Variants in GNAI1 observed in about 807,000 individuals in gnomAD.
GNAI1 encodes guanine nucleotide-binding protein G(i) subunit alpha-1.
A neutral mutation model predicts 38.9 loss-of-function variants in GNAI1; 11 were observed. The observed-to-expected ratio is 0.28, with a 90% CI of 0.18 to 0.47. The LOEUF (loss-of-function observed/expected upper bound fraction) is 0.47, where lower values mean the gene tolerates loss of function less well. Among genes scored for constraint, GNAI1 ranks in the 20% least tolerant of loss-of-function variants. The pLI is 0.99. For missense variants in GNAI1, 317 were observed against 436.9 expected, an observed-to-expected ratio of 0.73 and a Z score of 2.45; for synonymous variants, 166 against 145.1, an observed-to-expected ratio of 1.14 and a Z score of -1.04.
chr7:80,136,335 A>G (rs765867342), intron 1 of GNAI1, among the ~76,000 whole-genome samples: 38 of 152,162 alleles, frequency 2.5e-4, no homozygotes, highest in Non-Finnish European at 3.8e-4. Flanking sequence ...GACTGCTTGT[A>G]TTTTTATACC....
chr7:80,142,096 A>G (rs1255583052), intron 1 of GNAI1, among the ~76,000 whole-genome samples: 1 of 152,112 alleles, frequency 6.6e-6, no homozygotes, highest in Non-Finnish European at 1.5e-5. Flanking sequence ...TTAACATCGT[A>G]TTTCTATTAA....
chr7:80,178,482 A>G (rs1584030256), intron 1 of GNAI1, among the ~76,000 whole-genome samples: 2 of 152,178 alleles, frequency 1.3e-5, no homozygotes, highest in South Asian at 4.1e-4. Context: ...AGAAATTGCC[A>G]CAGCCACCCT....
At chr7:80,184,189 A>G (rs912429760) in intron 1 of GNAI1, among the ~76,000 whole-genome samples, 2 of 152,214 alleles carry the variant, frequency 1.3e-5, no homozygotes, top group Admixed American at 6.5e-5. Context: ...GAGGGGCATA[A>G]GGTAGGGAGA....
chr7:80,143,225 G>A (rs1787557078), intron 1 of GNAI1, among the ~76,000 whole-genome samples: 1 of 151,976 alleles, frequency 6.6e-6, no homozygotes, highest in South Asian at 2.1e-4. Context: ...GTCTACTTGG[G>A]GAAATACAAT....
At chr7:80,165,377 C>T (rs1362523274) in intron 1 of GNAI1, among the ~76,000 whole-genome samples, 1 of 152,078 alleles carries the variant, frequency 6.6e-6, no homozygotes, top group African/African-American at 2.4e-5. Context: ...TTTGTTCTTT[C>T]TTTGTCATTT....
chr7:80,186,414 C>T (rs1317576708), intron 1 of GNAI1, among the ~76,000 whole-genome samples: 1 of 152,028 alleles, frequency 6.6e-6, no homozygotes, highest in African/African-American at 2.4e-5. Context: ...GTAAGCTAAG[C>T]GTCCCATGTT....
intron 1 of GNAI1, among the ~76,000 whole-genome samples, chr7:80,157,761 C>T (rs921367432): frequency 1.3e-5 from 2 of 152,126 alleles, no homozygotes; most frequent in Non-Finnish European, 2.9e-5. Flanking sequence ...GCTGCAAATG[C>T]AGTGGCATGA....
At chr7:80,182,756 C>T (rs1788316609) in intron 1 of GNAI1, among the ~76,000 whole-genome samples, 1 of 152,052 alleles carries the variant, frequency 6.6e-6, no homozygotes, top group South Asian at 2.1e-4. Context: ...AGACCCTCAC[C>T]CCTTTATACA....
Position 80,220,696 on chromosome 7 carries a change from G to A in GNAI1, c.*3203G>A, listed in dbSNP as rs1393570279. Among the ~76,000 whole-genome samples, 1 of 152,130 alleles carries A rather than the reference G, an allele frequency of 6.6e-6. No individual in the cohort carries two copies. The highest frequency in any genetic ancestry group is 2.4e-5 in the African/African-American group (1 of 41,418). On this transcript the variant is annotated 3_prime_UTR_variant, in exon 8 of 8. Coordinates refer to ENST00000649796, the MANE Select transcript of GNAI1 (RefSeq NM_002069.6). ...AAAAAGTACTGATTAAAATCCATATGTTCTCATTGAATACTGACAGTAACT... is the reference window on the plus strand; with the variant it reads ...AAAAAGTACTGATTAAAATCCATATATTCTCATTGAATACTGACAGTAACT...
chr7:80,156,420 C>G (rs1241642228), intron 1 of GNAI1, among the ~76,000 whole-genome samples: 1 of 151,862 alleles, frequency 6.6e-6, no homozygotes, highest in Non-Finnish European at 1.5e-5. Context: ...CATGTCTACC[C>G]TTATAAAGGA....
In GNAI1 at chr7:80,157,372, A is replaced by T. The variant is rs967824080; in HGVS notation, c.118+22094A>T. Among the ~76,000 whole-genome samples, 5 of 152,210 alleles carry T rather than the reference A, an allele frequency of 3.3e-5. 1 individual carries two copies. The highest frequency in any genetic ancestry group is 4.8e-5 in the African/African-American group (2 of 41,452). ...ACTGAATGACATCTTAGTTTGCCCAAATTATGGTAATTATGAATAAAGCTA... is the reference window on the plus strand; with the variant it reads ...ACTGAATGACATCTTAGTTTGCCCATATTATGGTAATTATGAATAAAGCTA... On this transcript the variant is annotated intron_variant, in intron 1 of 7. Coordinates refer to ENST00000649796, the MANE Select transcript of GNAI1 (RefSeq NM_002069.6).
At chr7:80,164,510 C>T (rs1288334633) in intron 1 of GNAI1, among the ~76,000 whole-genome samples, 1 of 151,924 alleles carries the variant, frequency 6.6e-6, no homozygotes, top group African/African-American at 2.4e-5. Flanking sequence ...TACAGGCGCC[C>T]ACCACCACAC....
rs34298004 is a variant in GNAI1 at position 80,153,265 on chromosome 7, CT to C, written c.118+17996del. Among the ~76,000 whole-genome samples, 486 of 151,246 alleles carry C rather than the reference CT, an allele frequency of 3.2e-3. 4 individuals are homozygous for C. The highest frequency in any genetic ancestry group is 0.011 in the African/African-American group (464 of 41,258). ...AAAGGGTTCATTTTCACTTTGTATT[CT>C]TTTTTTTTCCCATTAATATGGCCAT... On this transcript the variant is annotated intron_variant, in intron 1 of 7. Transcript: ENST00000649796.
chr7:80,141,130 A>T (rs1787518740), intron 1 of GNAI1, among the ~76,000 whole-genome samples: 1 of 152,226 alleles, frequency 6.6e-6, no homozygotes, highest in African/African-American at 2.4e-5. Context: ...GTGAGGTGAC[A>T]TATTCACAGG....
At chr7:80,152,009 T>G (rs1787735305) in intron 1 of GNAI1, among the ~76,000 whole-genome samples, 1 of 152,238 alleles carries the variant, frequency 6.6e-6, no homozygotes, top group Non-Finnish European at 1.5e-5. Context: ...TTTAATTTTT[T>G]CACTTTGTTC....
chr7:80,192,891 G>T (rs1256223730), intron 3 of GNAI1, among the ~76,000 whole-genome samples: 1 of 151,984 alleles, frequency 6.6e-6, no homozygotes, highest in South Asian at 2.1e-4. Context: ...TAGAGACGGG[G>T]TTTCACCTTG....
Position 80,217,632 on chromosome 7 carries a change from T to C in GNAI1, c.*139T>C, listed in dbSNP as rs1292485522. The C allele has an allele frequency of 2.0e-6, 1 of 490,274 alleles. No individual in the cohort carries two copies. The highest frequency in any genetic ancestry group is 3.2e-5 in the East Asian group (1 of 30,860). 30.4% of individuals were successfully genotyped at this position (490,274 alleles called of 1,614,324 possible). ...GGGACTTGACCAAAGTTGTTCTGTT[T>C]TGTTTTTTTAACTGAAAGTAACAGA... On this transcript the variant is annotated 3_prime_UTR_variant, in exon 8 of 8. Coordinates refer to ENST00000649796, the MANE Select transcript of GNAI1 (RefSeq NM_002069.6).
At position 80,189,249 on chromosome 7, in the gene GNAI1, T is replaced by C; in HGVS notation, c.303+18T>C. The C allele has an allele frequency of 6.2e-7, 1 of 1,608,396 alleles. No individual in the cohort carries two copies. Among genetic ancestry groups the C allele is most frequent in the South Asian group, 1.1e-5 (1 of 90,500 alleles). ...CCCGGGCGGTAAGTTATTAAATTTG[T>C]TGGAGCTGACCTGATGGGTAAAAAG... On this transcript the variant is annotated intron_variant, in intron 3 of 7. Transcript: ENST00000649796.
intron 1 of GNAI1, among the ~76,000 whole-genome samples, chr7:80,169,402 C>T (rs1267478156): frequency 6.6e-6 from 1 of 152,140 alleles, no homozygotes; most frequent in East Asian, 1.9e-4. Context: ...AAACACCACC[C>T]CTATCTATTA....
Sources: allele counts gnomAD v4.1 joint callset (sites outside exome capture counted in the v4.1 genomes callset), GRCh38; gene constraint gnomAD v4.1.1; transcripts MANE v1.5; gene names NCBI Gene and HGNC (gene_info 2026-07-23, HGNC 2026-07-21).